CLCN5: variants seen among roughly 807,000 people sequenced by gnomAD.
The protein encoded by CLCN5 is Cl-/H+ antiporter 5.
CLCN5 carries 17 observed loss-of-function variants against 54.0 expected under a neutral mutation model. The observed-to-expected ratio is 0.31, with a 90% CI of 0.22 to 0.47. CLCN5 has a LOEUF of 0.47. Among genes scored for constraint, CLCN5 ranks in the 20% least tolerant of loss-of-function variants. The probability of loss-of-function intolerance (pLI) is 1.00; values close to 1 mark genes in which losing one functional copy is unlikely to be tolerated. For missense variants in CLCN5, 448 were observed against 646.7 expected (o/e 0.69, Z 3.33); for synonymous variants, 222 against 233.0 (o/e 0.95, Z 0.43).
chrX:49,962,359 C>T (rs782100348), intron 3 of CLCN5, among the ~76,000 whole-genome samples: 3 of 111,698 alleles, frequency 2.7e-5, no homozygotes, highest in Non-Finnish European at 5.7e-5. Flanking sequence ...AAGACACCCT[C>T]TTTCAATGGC....
rs782239697 is a variant in CLCN5, at chrX:50,095,156, A to T, written c.*2937A>T. 2 of 112,524 alleles carry T rather than the reference A, an allele frequency of 1.8e-5. No homozygotes were observed. Among genetic ancestry groups the T allele is most frequent in the South Asian group, 7.5e-4 (2 of 2,680 alleles). The allele number at this position is 112,524 out of a possible 1,213,427, so 9.3% of individuals were successfully genotyped here. A position where few individuals can be genotyped will look rare whatever the true frequency, so the allele number is the denominator to read the frequency against. On this transcript the variant is annotated 3_prime_UTR_variant, in exon 15 of 15. Coordinates refer to ENST00000376091, the MANE Select transcript of CLCN5 (RefSeq NM_001127898.4). ...AGAATGCCAATTAGTGTTTCAACAG[A>T]GTTAGGATTTTCCAAGTAAGAGTAG... is the stretch of plus-strand genomic sequence containing the variant.
chrX:50,050,515 G>C (rs1472587355), intron 4 of CLCN5: 2 of 110,840 alleles, frequency 1.8e-5, no homozygotes, highest in Non-Finnish European at 3.8e-5. Context: ...TCTTTCTTTG[G>C]TGAGGTTCAG....
intron 4 of CLCN5, among the ~76,000 whole-genome samples, chrX:50,048,643 A>G (rs933223391): frequency 7.2e-5 from 8 of 111,619 alleles, no homozygotes; most frequent in Non-Finnish European, 1.3e-4. Flanking sequence ...ACAAACTCCT[A>G]TCATTGTGGG....
At chrX:50,007,761 C>T (rs782773443) in intron 3 of CLCN5, among the ~76,000 whole-genome samples, 72 of 111,787 alleles carry the variant, frequency 6.4e-4, no homozygotes, top group African/African-American at 9.7e-4. Context: ...AAAATATTGA[C>T]GGCTGTGTGC....
chrX:49,953,582 A>G (rs1242196436), intron 3 of CLCN5, among the ~76,000 whole-genome samples: 1 of 112,020 alleles, frequency 8.9e-6, no homozygotes, highest in African/African-American at 3.2e-5. Context: ...TTGGGGTTAT[A>G]AGTGTGAGCC....
chrX:50,009,303 G>A (rs1324775751), intron 3 of CLCN5, among the ~76,000 whole-genome samples: 4 of 111,995 alleles, frequency 3.6e-5, no homozygotes, highest in East Asian at 2.8e-4. Flanking sequence ...CACACATTGG[G>A]TGATGAGACT....
chrX:50,019,564 TGC>T (rs1226475018), intron 3 of CLCN5, among the ~76,000 whole-genome samples: 2 of 58,250 alleles, frequency 3.4e-5, no homozygotes, highest in African/African-American at 1.4e-4. Context: ...GCCATGCTGG[TGC>T]GCTGCACCCA....
intron 3 of CLCN5, among the ~76,000 whole-genome samples, chrX:49,970,317 G>A (rs368583252): frequency 1.3e-4 from 14 of 110,877 alleles, no homozygotes; most frequent in African/African-American, 4.3e-4. Context: ...ACAATTTAAT[G>A]GTTTTTATTA....
At chrX:50,074,651 G>A (rs1460095148) in intron 6 of CLCN5, among the ~76,000 whole-genome samples, 1 of 112,225 alleles carries the variant, frequency 8.9e-6, no homozygotes, top group Non-Finnish European at 1.9e-5. Context: ...AAACATACAC[G>A]ACATGGCTTC....
rs781985982 is a variant in CLCN5, at chrX:49,944,334, A to G, written c.16+19020A>G. On this transcript the variant is annotated intron_variant, in intron 3 of 14. Transcript: ENST00000376091. ...GATGATGGGGTTTTCTAGATATACA[A>G]TCATATCATCTGCAAACAGGGACAA... 3.8e-3 allele frequency among the ~76,000 whole-genome samples: 421 copies of G among 111,588 alleles called. 5 individuals carry two copies. The highest frequency in any genetic ancestry group is 0.013 in the African/African-American group (390 of 30,667).
At chrX:50,018,880 A>G (rs995642007) in intron 3 of CLCN5, among the ~76,000 whole-genome samples, 2 of 111,782 alleles carry the variant, frequency 1.8e-5, no homozygotes, top group Non-Finnish European at 3.8e-5. Context: ...GGATTTTTGC[A>G]TCTATGTTCA....
intron 2 of CLCN5, among the ~76,000 whole-genome samples, chrX:49,924,164 G>GTTTTTTTTTTTTTTTTTT (rs1925217923): frequency 1.5e-4 from 12 of 81,503 alleles, no homozygotes; most frequent in African/African-American, 6.8e-4. Context: ...TTTTTTTTTG[G>GTTTTTTTTTTTTTTTTTT]TTTGAGCCGG....
intron 3 of CLCN5, among the ~76,000 whole-genome samples, chrX:50,028,233 G>A (rs1931520084): frequency 8.9e-6 from 1 of 111,770 alleles, no homozygotes; most frequent in African/African-American, 3.2e-5. Context: ...TTAGGCCCTG[G>A]TAAAATAGTT....
rs1478776971 is a variant in CLCN5, at chrX:50,095,821, CTA to C, written c.*3606_*3607del. ...AGTCCATTATAGAAATTAACCACTG[CTA>C]TATGTTTTAAGTAGTTCAATCACCT... On this transcript the variant is annotated 3_prime_UTR_variant, in exon 15 of 15. Coordinates refer to ENST00000376091, the MANE Select transcript of CLCN5 (RefSeq NM_001127898.4). 8.9e-6 allele frequency: 1 copy of C among 112,370 alleles called. No homozygotes were observed. The highest frequency in any genetic ancestry group is 2.8e-4 in the East Asian group (1 of 3,591). 9.3% of individuals were successfully genotyped at this position (112,370 alleles called of 1,213,427 possible).
At chrX:50,073,746 T>C (rs1933308328) in intron 6 of CLCN5, among the ~76,000 whole-genome samples, 1 of 111,636 alleles carries the variant, frequency 9.0e-6, no homozygotes, top group Non-Finnish European at 1.9e-5. Flanking sequence ...AGATAGTAAA[T>C]ATTTTAGGAT....
rs185225973 is a variant in CLCN5, at chrX:49,969,310, G to A, written c.16+43996G>A. Among the ~76,000 whole-genome samples the A allele has an allele frequency of 6.6e-3, 734 of 111,708 alleles. 5 individuals carry two copies. The highest frequency in any genetic ancestry group is 0.022 in the African/African-American group (682 of 30,798). ...CCAGGCTGGTCTCGAACTCCTGACC[G>A]CAGGTGATCTGCCTGCCTCAGCCTC... On this transcript the variant is annotated intron_variant, in intron 3 of 14. Transcript: ENST00000376091.
intron 9 of CLCN5, chrX:50,085,722 G>A (rs1271081716): frequency 1.8e-5 from 7 of 392,886 alleles, no homozygotes; most frequent in Non-Finnish European, 3.2e-5. Context: ...AAGGGCGGGG[G>A]GGCGGTGCAT....
intron 3 of CLCN5, among the ~76,000 whole-genome samples, chrX:50,032,040 A>G (rs868949790): frequency 2.9e-4 from 31 of 108,550 alleles, no homozygotes; most frequent in African/African-American, 8.0e-4. Context: ...CCCTACAAAG[A>G]ACATGAACTC....
At chrX:49,922,875 G>A (rs909427888) in intron 1 of CLCN5, 83 bp downstream of exon 1, 2 of 112,545 alleles carry the variant, frequency 1.8e-5, no homozygotes, top group Non-Finnish European at 1.9e-5. Context: ...CACCCCCTAA[G>A]CGCAGCGACA....
Sources: allele counts gnomAD v4.1 joint callset (sites outside exome capture counted in the v4.1 genomes callset), GRCh38; gene constraint gnomAD v4.1.1; transcripts MANE v1.5; gene names NCBI Gene and HGNC (gene_info 2026-07-23, HGNC 2026-07-21).